The following FBXO42 variants were observed in gnomAD, a reference collection of about 807,000 sequenced individuals.
FBXO42 encodes F-box only protein 42.
A neutral mutation model predicts 71.7 loss-of-function variants in FBXO42; 12 were observed. The ratio of observed to expected loss-of-function variants is 0.17; its 90% CI spans 0.11 to 0.27. The LOEUF (loss-of-function observed/expected upper bound fraction) is 0.27, where lower values mean the gene tolerates loss of function less well. Ranked by LOEUF, FBXO42 falls within the 10% of genes least tolerant of loss-of-function variation. The pLI is 1.00. For synonymous variants in FBXO42, 325 were observed against 327.5 expected (o/e 0.99, Z 0.08); for missense variants, 707 against 911.9 (o/e 0.78, Z 2.89).
chr1:16,338,804 CTTTTT>C (rs71574177), intron 1 of FBXO42, among the ~76,000 whole-genome samples: 9 of 80,986 alleles, frequency 1.1e-4, no homozygotes, highest in East Asian at 4.0e-4. Flanking sequence ...TTCCATTTGT[CTTTTT>C]TTTTTTTTTT....
intron 4 of FBXO42, among the ~76,000 whole-genome samples, chr1:16,281,603 G>A (rs572848661): frequency 2.1e-4 from 31 of 150,662 alleles, no homozygotes; most frequent in African/African-American, 7.3e-4. Flanking sequence ...TGAGTAGCTT[G>A]GACTACAGGT....
At chr1:16,329,162 CAAAAAAAAAAA>C (rs1221377687) in intron 1 of FBXO42, among the ~76,000 whole-genome samples, 1 of 60,444 alleles carries the variant, frequency 1.7e-5, no homozygotes, top group African/African-American at 6.0e-5. Flanking sequence ...GACTCTGTCT[CAAAAAAAAAAA>C]AAAAAAAAAG....
At chr1:16,254,481 A>G (rs2081620006) in intron 6 of FBXO42, among the ~76,000 whole-genome samples, 1 of 152,234 alleles carries the variant, frequency 6.6e-6, no homozygotes, top group Non-Finnish European at 1.5e-5. Context: ...AGGGACCAAC[A>G]TGACGAGGAC....
chr1:16,350,753 A>AGAAGAAAG (rs1553156680), intron 1 of FBXO42, among the ~76,000 whole-genome samples: 2 of 28,872 alleles, frequency 6.9e-5, no homozygotes, highest in Non-Finnish European at 1.3e-4. Flanking sequence ...CAAAAAAAAA[A>AGAAGAAAG]AAAAAAAGAA....
At chr1:16,305,634 G>A (rs561584454) in intron 3 of FBXO42, among the ~76,000 whole-genome samples, 169 bp downstream of exon 3, 9 of 152,294 alleles carry the variant, frequency 5.9e-5, no homozygotes, top group Non-Finnish European at 8.8e-5. Flanking sequence ...GATCACCTGA[G>A]CCTGGGGAGG....
intron 1 of FBXO42, among the ~76,000 whole-genome samples, chr1:16,345,042 T>C (rs1041682593): frequency 3.3e-5 from 5 of 151,776 alleles, no homozygotes; most frequent in African/African-American, 1.2e-4. Context: ...GAGGTTATAG[T>C]GACCCAAGAT....
Position 16,256,590 on chromosome 1 carries a change from T to G in FBXO42, c.656+16A>C, listed in dbSNP as rs1462136123. ...CCTTTTCTTCCAGATTTAAAGAGTT[T>G]ATCTTTGTGACTTACCAATTTTTAG... On this transcript the variant is annotated intron_variant, in intron 5 of 9. Coordinates refer to ENST00000375592, the MANE Select transcript of FBXO42 (RefSeq NM_018994.3). 1.4e-5 allele frequency: 22 copies of G among 1,612,508 alleles called. No homozygotes were observed. Among genetic ancestry groups the G allele is most frequent in the Non-Finnish European group, 1.7e-5 (20 of 1,178,802 alleles).
intron 1 of FBXO42, among the ~76,000 whole-genome samples, chr1:16,326,938 C>G (rs540433964): frequency 6.6e-6 from 1 of 152,268 alleles, no homozygotes; most frequent in South Asian, 2.1e-4. Flanking sequence ...ATTTAATCTT[C>G]CTAATCCCAA....
At chr1:16,344,162 TA>T (rs2082633932) in intron 1 of FBXO42, among the ~76,000 whole-genome samples, 1 of 151,708 alleles carries the variant, frequency 6.6e-6, no homozygotes, top group Non-Finnish European at 1.5e-5. Context: ...CACACCCAGC[TA>T]ATTTTGTATT....
intron 1 of FBXO42, among the ~76,000 whole-genome samples, chr1:16,331,828 A>G (rs2082503889): frequency 1.3e-5 from 2 of 152,010 alleles, no homozygotes; most frequent in Non-Finnish European, 2.9e-5. Context: ...AGGCGCGCAG[A>G]TCACCTGAGG....
rs1440870890 is a variant in FBXO42 at position 16,321,828 on chromosome 1, G to C, written c.-17-6393C>G. Among the ~76,000 whole-genome samples the C allele has an allele frequency of 3.3e-5, 5 of 152,104 alleles. No homozygotes were observed. In the East Asian group the frequency reaches 9.6e-4, roughly 29 times the overall value. On this transcript the variant is annotated intron_variant, in intron 1 of 9. Coordinates refer to ENST00000375592, the MANE Select transcript of FBXO42 (RefSeq NM_018994.3). ...CTGTCCCAATGTTCCAAAGTGCTGG[G>C]AATACAGGTATAAGTCACTGTGCCC...
intron 1 of FBXO42, among the ~76,000 whole-genome samples, chr1:16,346,753 A>AT (rs529276488): frequency 0.031 from 3,906 of 125,076 alleles, 220 homozygotes; most frequent in African/African-American, 0.11. Context: ...TGAACAGTAC[A>AT]TTTTTTTTTT....
chr1:16,298,247 C>G (rs2082153587), intron 3 of FBXO42, among the ~76,000 whole-genome samples: 1 of 151,988 alleles, frequency 6.6e-6, no homozygotes, highest in African/African-American at 2.4e-5. Flanking sequence ...ACAAAAACAC[C>G]AAAGAACTAC....
At chr1:16,337,917 GAAT>G (rs2082567184) in intron 1 of FBXO42, among the ~76,000 whole-genome samples, 1 of 55,120 alleles carries the variant, frequency 1.8e-5, no homozygotes, top group Non-Finnish European at 3.6e-5. Context: ...AAAAAAAAAA[GAAT>G]AATAGGCCAA....
intron 6 of FBXO42, among the ~76,000 whole-genome samples, chr1:16,255,189 G>A (rs949553584): frequency 1.3e-5 from 2 of 152,320 alleles, no homozygotes; most frequent in Non-Finnish European, 1.5e-5. Context: ...AGAACCATAT[G>A]TCAAAGAGAT....
chr1:16,309,050 C>T (rs1001072602), intron 2 of FBXO42, among the ~76,000 whole-genome samples: 1 of 135,224 alleles, frequency 7.4e-6, no homozygotes, highest in African/African-American at 2.8e-5. Context: ...GCCGGGAGAC[C>T]CCATCTCTTT....
rs1553150254 is a variant in FBXO42, at chr1:16,270,751, T to TGC, written c.503-13993_503-13992insGC. Among the ~76,000 whole-genome samples, 606 of 111,004 alleles carry TGC rather than the reference T, an allele frequency of 5.5e-3. 14 individuals are homozygous for TGC. The highest frequency in any genetic ancestry group is 0.019 in the African/African-American group (547 of 28,186). 72.8% of individuals were successfully genotyped at this position (111,004 alleles called of 152,430 possible). On this transcript the variant is annotated intron_variant, in intron 4 of 9. Coordinates refer to ENST00000375592, the MANE Select transcript of FBXO42 (RefSeq NM_018994.3). ...TCCAAATCCCTTACTTACCATGAGATACACACACACACACACACACACACA... is the reference window on the plus strand; with the variant it reads ...TCCAAATCCCTTACTTACCATGAGATGCACACACACACACACACACACACACA...
intron 4 of FBXO42, among the ~76,000 whole-genome samples, chr1:16,271,234 AACT>A (rs1335726591): frequency 6.7e-6 from 1 of 149,036 alleles, no homozygotes. Context: ...TTTGATCCCT[AACT>A]ACTGTGTGCG....
Position 16,251,254 on chromosome 1 carries a change from C to T in FBXO42, c.1570G>A (p.Gly524Arg). ...PMDGMDNRTV[G>R]GSMRHPPEQT... Reference sequence around the variant, plus strand: ...TCAGGAGGGTGTCTCATACTTCCCCCAACTGTCCTATTGTCCATGCCATCC... The same window carrying T: ...TCAGGAGGGTGTCTCATACTTCCCCTAACTGTCCTATTGTCCATGCCATCC... Residue 524 changes from glycine (G) to arginine (R), a missense_variant, in exon 10 of 10, where the codon GGG becomes AGG. Around this residue, in one of 5 missense-constraint regions of FBXO42, gnomAD observed 482 missense variants for 587.1 expected, o/e 0.82. Transcript: ENST00000375592. The surrounding 1 kb of genome is among the most constrained non-coding windows in gnomAD (Gnocchi z 4.5). 1.9e-6 allele frequency: 3 copies of T among 1,614,226 alleles called. No individual in the cohort carries two copies. The highest frequency in any genetic ancestry group is 2.5e-6 in the Non-Finnish European group (3 of 1,180,036).
Sources: allele counts gnomAD v4.1 joint callset (sites outside exome capture counted in the v4.1 genomes callset), GRCh38; gene constraint gnomAD v4.1.1; regional missense constraint gnomAD v4.1.1; non-coding constraint Gnocchi (gnomAD v3.1); transcripts MANE v1.5; gene names NCBI Gene and HGNC (gene_info 2026-07-23, HGNC 2026-07-21).